Variants in LAMA2 observed in about 807,000 individuals in gnomAD.
The protein encoded by LAMA2 is laminin subunit alpha 2.
LAMA2 carries 269 observed loss-of-function variants against 364.8 expected under a neutral mutation model. That is an observed-to-expected ratio of 0.74 (90% CI 0.67 to 0.82). The LOEUF (loss-of-function observed/expected upper bound fraction) is 0.82, where lower values mean the gene tolerates loss of function less well. LAMA2 is among the 40% of genes least tolerant of loss of function. LAMA2 has a pLI of 0.00. For synonymous variants in LAMA2, 1,379 were observed against 1,370.6 expected (o/e 1.01, Z -0.14); for missense variants, 3,807 against 3,873.2 (o/e 0.98, Z 0.45).
At chr6:129,374,346 C>G (rs376607386) in intron 34 of LAMA2, among the ~76,000 whole-genome samples, 1 of 152,148 alleles carries the variant, frequency 6.6e-6, no homozygotes, top group East Asian at 1.9e-4. Context: ...TTCCAATTAC[C>G]CATGACTACA....
At chr6:128,944,993 C>A (rs1780403457) in intron 1 of LAMA2, among the ~76,000 whole-genome samples, 1 of 152,102 alleles carries the variant, frequency 6.6e-6, no homozygotes, top group African/African-American at 2.4e-5. Context: ...TGGGTAGGAT[C>A]ACACATCCTA....
intron 1 of LAMA2, chr6:128,905,423 G>A (rs1050493406): frequency 6.6e-6 from 1 of 151,826 alleles, no homozygotes; most frequent in South Asian, 2.1e-4. Context: ...TCTGTGTCAG[G>A]CATTTTATTC....
intron 35 of LAMA2, among the ~76,000 whole-genome samples, chr6:129,384,860 T>A (rs1347951921): frequency 2.0e-5 from 3 of 151,916 alleles, no homozygotes; most frequent in Non-Finnish European, 4.4e-5. Context: ...TGAAGTGCCA[T>A]GTGGGATAGC....
At chr6:129,364,324 A>T (rs1583580112) in intron 32 of LAMA2, among the ~76,000 whole-genome samples, 1 of 151,932 alleles carries the variant, frequency 6.6e-6, no homozygotes, top group Admixed American at 6.5e-5. Flanking sequence ...ACCTAATTGA[A>T]TTCTTGCCAA....
chr6:129,201,494 G>A lies in LAMA2; in HGVS notation c.1782+8641G>A, dbSNP rs539552660. On this transcript the variant is annotated intron_variant, in intron 12 of 64. Transcript: ENST00000421865. ...GAAACAATTCCTGAGCTGATACAGG[G>A]CTGCTAATAGTTTATTTTCCTAACA... 3.9e-4 allele frequency among the ~76,000 whole-genome samples: 60 copies of A among 152,270 alleles called. 1 individual carries two copies. Among genetic ancestry groups the A allele is most frequent in the Admixed American group, 3.4e-3 (52 of 15,296 alleles).
intron 12 of LAMA2, among the ~76,000 whole-genome samples, chr6:129,219,930 G>C (rs189304345): frequency 8.6e-5 from 13 of 150,618 alleles, no homozygotes; most frequent in African/African-American, 3.0e-4. Flanking sequence ...GTAACTAACT[G>C]GCACATGGTG....
intron 1 of LAMA2, among the ~76,000 whole-genome samples, chr6:128,953,635 C>CTA (rs1036409371): frequency 1.3e-5 from 2 of 149,820 alleles, no homozygotes; most frequent in Admixed American, 6.7e-5. Context: ...GAATGTATGT[C>CTA]TATATATATA....
intron 12 of LAMA2, among the ~76,000 whole-genome samples, chr6:129,213,490 A>G (rs1355496489): frequency 1.3e-5 from 2 of 152,168 alleles, no homozygotes; most frequent in Non-Finnish European, 2.9e-5. Flanking sequence ...TTGCATTCTC[A>G]CCAGCAATGA....
intron 1 of LAMA2, among the ~76,000 whole-genome samples, chr6:128,994,376 A>T (rs552400188): frequency 6.6e-6 from 1 of 152,204 alleles, no homozygotes; most frequent in Non-Finnish European, 1.5e-5. Context: ...CCATCATACC[A>T]TATACACACC....
chr6:129,282,243 C>A (rs983122039), intron 18 of LAMA2, among the ~76,000 whole-genome samples: 1 of 152,162 alleles, frequency 6.6e-6, no homozygotes, highest in African/African-American at 2.4e-5. Context: ...GAAATCTGTT[C>A]AATTTGTTTA....
chr6:129,390,824 C>A (rs1253872860), intron 35 of LAMA2, among the ~76,000 whole-genome samples: 2 of 152,150 alleles, frequency 1.3e-5, no homozygotes, highest in African/African-American at 4.8e-5. Flanking sequence ...AAACCTGAAG[C>A]ACCTGGAGAA....
chr6:129,359,934 G>T (rs929598752), intron 32 of LAMA2, among the ~76,000 whole-genome samples: 6 of 152,052 alleles, frequency 3.9e-5, no homozygotes, highest in Non-Finnish European at 8.8e-5. Context: ...TGCATGATTT[G>T]CCCCTTACAT....
intron 6 of LAMA2, among the ~76,000 whole-genome samples, chr6:129,147,423 GT>G (rs1778534310): frequency 6.6e-6 from 1 of 151,494 alleles, no homozygotes; most frequent in African/African-American, 2.4e-5. Context: ...ATGCAAATGA[GT>G]AAAAAAATGT....
intron 1 of LAMA2, among the ~76,000 whole-genome samples, chr6:128,962,694 T>G (rs908702009): frequency 6.6e-6 from 1 of 152,220 alleles, no homozygotes; most frequent in Non-Finnish European, 1.5e-5. Flanking sequence ...TCCAAGGCTT[T>G]GACATCCATA....
chr6:129,488,612 C>A (rs1784712563), intron 56 of LAMA2, among the ~76,000 whole-genome samples: 1 of 152,118 alleles, frequency 6.6e-6, no homozygotes, highest in Non-Finnish European at 1.5e-5. Context: ...AGTTAATTGG[C>A]CATATAAACG....
At chr6:129,079,769 GAAATT>G (rs1190191513) in intron 3 of LAMA2, among the ~76,000 whole-genome samples, 3 of 151,932 alleles carry the variant, frequency 2.0e-5, no homozygotes, top group Admixed American at 6.6e-5. Context: ...TGCATTAAAG[GAAATT>G]AAATCCTGGA....
chr6:129,076,388 G>C (rs1773634114), intron 3 of LAMA2, among the ~76,000 whole-genome samples: 1 of 144,996 alleles, frequency 6.9e-6, no homozygotes, highest in Non-Finnish European at 1.5e-5. Context: ...AACATAGGGG[G>C]AAAAAACACC....
rs1217531843 is a variant in LAMA2, at chr6:129,328,304, G to T, written c.4203G>T (p.Leu1401=). 6.2e-7 allele frequency: 1 copy of T among 1,614,028 alleles called. No individual in the cohort carries two copies. The highest frequency in any genetic ancestry group is 8.5e-7 in the Non-Finnish European group (1 of 1,180,028). The change falls in exon 29 of 65, where the codon CTG becomes CTT. Residue 1401 remains leucine, a synonymous_variant. Coordinates refer to ENST00000421865, the MANE Select transcript of LAMA2 (RefSeq NM_000426.4). ...CATGCTTGCCGGGATTTTATCGACTGCGTTCTCAACCAGGTGGCCGCACCC... is the reference window on the plus strand; with the variant it reads ...CATGCTTGCCGGGATTTTATCGACTTCGTTCTCAACCAGGTGGCCGCACCC... ...CEACLPGFYR[L]RSQPGGRTPG... is the part of the protein sequence containing the mutation.
At chr6:128,905,614 TTTTA>T (rs1777398060) in intron 1 of LAMA2, 1 of 151,918 alleles carries the variant, frequency 6.6e-6, no homozygotes, top group Admixed American at 6.5e-5. Context: ...TTTTTCGTTT[TTTTA>T]TTTTTTATTT....
Sources: allele counts gnomAD v4.1 joint callset (sites outside exome capture counted in the v4.1 genomes callset), GRCh38; gene constraint gnomAD v4.1.1; transcripts MANE v1.5; gene names NCBI Gene and HGNC (gene_info 2026-07-23, HGNC 2026-07-21).